RPGRIP1L: variants seen among roughly 807,000 people sequenced by gnomAD.
The protein encoded by RPGRIP1L is RPGRIP1 like.
RPGRIP1L carries 131 observed loss-of-function variants against 160.4 expected under a neutral mutation model. The ratio of observed to expected loss-of-function variants is 0.82; its 90% confidence interval spans 0.71 to 0.94. RPGRIP1L has a LOEUF of 0.94. RPGRIP1L is among the 40% of genes least tolerant of loss of function. The pLI is 0.00. For missense variants in RPGRIP1L, 1,522 were observed against 1,535.8 expected, an observed-to-expected ratio of 0.99 and a Z score of 0.15; for synonymous variants, 510 against 515.8, an observed-to-expected ratio of 0.99 and a Z score of 0.15.
At chr16:53,625,973 T>C (rs1368616285) in intron 22 of RPGRIP1L, among the ~76,000 whole-genome samples, 2 of 151,634 alleles carry the variant, frequency 1.3e-5, no homozygotes, top group East Asian at 3.9e-4. Flanking sequence ...CACCACTCCC[T>C]AATCTCAAGT....
chr16:53,626,004 C>G (rs577580800), intron 22 of RPGRIP1L, among the ~76,000 whole-genome samples: 162 of 151,960 alleles, frequency 1.1e-3, no homozygotes, highest in East Asian at 8.9e-3. Flanking sequence ...ACAAACACTG[C>G]GGAAGGCTGC....
intron 5 of RPGRIP1L, among the ~76,000 whole-genome samples, 186 bp downstream of exon 5, chr16:53,687,677 T>C (rs557033336): frequency 4.6e-5 from 7 of 152,258 alleles, no homozygotes; most frequent in African/African-American, 1.4e-4. Flanking sequence ...TTGAGGCAGC[T>C]GGATAAGTTC....
At chr16:53,657,884 ATAGT>A (rs890966833) in intron 12 of RPGRIP1L, among the ~76,000 whole-genome samples, 11 of 152,164 alleles carry the variant, frequency 7.2e-5, no homozygotes, top group African/African-American at 2.7e-4. Context: ...AAATCAAAAA[ATAGT>A]TACTTTATGA....
chr16:53,677,034 G>T (rs1243634591), intron 6 of RPGRIP1L, among the ~76,000 whole-genome samples: 2 of 152,164 alleles, frequency 1.3e-5, no homozygotes, highest in African/African-American at 4.8e-5. Context: ...GGCACATAGG[G>T]TGATAGAAAT....
At chr16:53,602,649 C>T (rs977201461) in intron 26 of RPGRIP1L, among the ~76,000 whole-genome samples, 5 of 152,050 alleles carry the variant, frequency 3.3e-5, no homozygotes, top group African/African-American at 4.8e-5. Flanking sequence ...GTGGTGCATG[C>T]CTGTAGTCCC....
chr16:53,698,651 C>G (rs1278748277), intron 2 of RPGRIP1L, among the ~76,000 whole-genome samples: 3 of 145,942 alleles, frequency 2.1e-5, no homozygotes, highest in Non-Finnish European at 4.6e-5. Flanking sequence ...GGCCAGCCGC[C>G]CCGTCGGGAG....
At chr16:53,658,382 C>A in intron 12 of RPGRIP1L, 32 bp downstream of exon 12, 1 of 1,530,646 alleles carries the variant, frequency 6.5e-7, no homozygotes, top group Non-Finnish European at 9.1e-7. Context: ...TGTATGCAGA[C>A]ATGAAAATCA....
chr16:53,672,374 C>A (rs993191695), intron 8 of RPGRIP1L, among the ~76,000 whole-genome samples: 1 of 152,082 alleles, frequency 6.6e-6, no homozygotes, highest in Non-Finnish European at 1.5e-5. Context: ...ATTTCACTTC[C>A]ATTCTCCTTG....
chr16:53,664,387 ACTCT>A (rs541174222), intron 10 of RPGRIP1L, among the ~76,000 whole-genome samples: 270 of 152,188 alleles, frequency 1.8e-3, no homozygotes, highest in African/African-American at 6.1e-3. Flanking sequence ...TATTTCTGCC[ACTCT>A]CTGTCATCTT....
intron 6 of RPGRIP1L, among the ~76,000 whole-genome samples, chr16:53,680,336 C>A (rs1969510261): frequency 6.6e-6 from 1 of 151,996 alleles, no homozygotes; most frequent in Admixed American, 6.6e-5. Context: ...TATCCCTGGT[C>A]CCAGTTACCC....
At chr16:53,659,926 G>A (rs1207074662) in intron 10 of RPGRIP1L, 1 of 151,982 alleles carries the variant, frequency 6.6e-6, no homozygotes, top group East Asian at 1.9e-4. Flanking sequence ...CTGAGTTCAT[G>A]CTACTAATCA....
chr16:53,656,076 G>A (rs1235763432), intron 14 of RPGRIP1L, among the ~76,000 whole-genome samples: 1 of 152,132 alleles, frequency 6.6e-6, no homozygotes, highest in Admixed American at 6.5e-5. Flanking sequence ...TAGTAAATTT[G>A]AGTTTGTAGT....
At chr16:53,640,027 T>C (rs1216406076) in intron 19 of RPGRIP1L, among the ~76,000 whole-genome samples, 2 of 152,174 alleles carry the variant, frequency 1.3e-5, no homozygotes, top group East Asian at 1.9e-4. Context: ...AAAGAAGATA[T>C]ATTTTCTAAA....
Position 53,641,535 on chromosome 16 carries a change from A to C in RPGRIP1L, c.2684-60T>G, listed in dbSNP as rs184702119. 354 of 1,380,954 alleles carry C rather than the reference A, an allele frequency of 2.6e-4. 1 individual carries two copies. In the African/African-American group the frequency reaches 4.7e-3, roughly 18 times the overall value. 85.5% of individuals were successfully genotyped at this position (1,380,954 alleles called of 1,614,324 possible). ...GTGAAGTTTTATTACTGTAAGAATT[A>C]AAGAACAAAGAACTACTCCCTACTT... On this transcript the variant is annotated intron_variant, in intron 17 of 26. Transcript: ENST00000647211.
chr16:53,606,108 T>A (rs1036261079), intron 25 of RPGRIP1L, among the ~76,000 whole-genome samples: 2 of 152,240 alleles, frequency 1.3e-5, no homozygotes, highest in Non-Finnish European at 2.9e-5. Context: ...GCTCCCAGGG[T>A]AACATTTTGA....
chr16:53,695,957 T>C (rs538813121), intron 3 of RPGRIP1L, 194 bp downstream of exon 3: 1 of 554,370 alleles, frequency 1.8e-6, no homozygotes, highest in African/African-American at 1.9e-5. Context: ...AATTCAGACA[T>C]AATAAACACT....
rs1395830261 is a variant in RPGRIP1L, at chr16:53,648,973, ATGCTCTGG to A, written c.2287_2294del (p.Pro763TyrfsTer26). ...AGCCAAATGAGCTTACCGACTGCAT[ATGCTCTGG>A]CCCCTTAAAATTTGATGTTATATAC... is the stretch of plus-strand genomic sequence containing the variant. On this transcript the variant is annotated frameshift_variant, in exon 16 of 27. Transcript: ENST00000647211. LOFTEE classifies it high-confidence loss of function. 1 of 1,613,852 alleles carries A rather than the reference ATGCTCTGG, an allele frequency of 6.2e-7. No homozygotes were observed. The highest frequency in any genetic ancestry group is 1.3e-5 in the African/African-American group (1 of 74,930).
intron 2 of RPGRIP1L, among the ~76,000 whole-genome samples, chr16:53,698,513 C>T (rs1448528833): frequency 2.7e-5 from 4 of 146,796 alleles, no homozygotes; most frequent in Middle Eastern, 3.7e-3. Context: ...GCCTCCCGCC[C>T]GGCCAGCCGC....
chr16:53,629,050 T>A (rs1417917865), intron 22 of RPGRIP1L, among the ~76,000 whole-genome samples: 2 of 152,152 alleles, frequency 1.3e-5, no homozygotes, highest in Admixed American at 6.6e-5. Context: ...ATTGCAGCAA[T>A]GTGAAGCAAG....
Sources: gnomAD v4.1 joint callset for allele counts (sites outside exome capture counted in the v4.1 genomes callset) on GRCh38, gnomAD v4.1.1 for gene constraint, MANE v1.5 for transcripts, NCBI Gene and HGNC (gene_info 2026-07-23, HGNC 2026-07-21) for gene names.